ZNF273: variants seen among roughly 807,000 people sequenced by gnomAD.
ZNF273 encodes the protein zinc finger protein 273.
ZNF273 carries 11 observed loss-of-function variants against 14.9 expected under a neutral mutation model. The observed-to-expected ratio is 0.74, with a 90% CI of 0.46 to 1.22. The LOEUF (loss-of-function observed/expected upper bound fraction) is 1.22. ZNF273 is among the 50% of genes most tolerant of loss of function. The pLI is 0.00. For missense variants in ZNF273, 577 were observed against 660.6 expected (o/e 0.87, Z 1.39); for synonymous variants, 199 against 223.9 (o/e 0.89, Z 0.99).
downstream of ZNF273, among the ~76,000 whole-genome samples, chr7:64,884,354 G>A (rs1268395922): frequency 2.0e-5 from 3 of 152,088 alleles, no homozygotes; most frequent in African/African-American, 7.3e-5. Flanking sequence ...TCCCATTTGA[G>A]CCTTTATTTC....
At chr7:64,917,230 A>G in intron 1 of ZNF273, 1 of 618,442 alleles carries the variant, frequency 1.6e-6, no homozygotes, top group South Asian at 2.0e-5. Flanking sequence ...TTTTAAAGCT[A>G]GCTTGTAACA....
Position 64,928,750 on chromosome 7 carries a change from T to A in ZNF273, c.1422T>A (p.Thr474=). The change falls in exon 4 of 4, where the codon ACT becomes ACA. Residue 474 remains threonine, a synonymous_variant. Transcript: ENST00000476120. ...GSAFRAFSTL[T]EHKRVHTGEK... ...CCTTTAGGGCATTCTCAACCCTTAC[T>A]GAACATAAGAGAGTTCATACTGGAG... is the stretch of plus-strand genomic sequence containing the variant. The A allele has an allele frequency of 1.2e-6, 2 of 1,613,418 alleles. No homozygotes were observed. The highest frequency in any genetic ancestry group is 8.5e-7 in the Non-Finnish European group (1 of 1,179,786).
intron 3 of ZNF273, among the ~76,000 whole-genome samples, chr7:64,920,905 A>AT (rs1014429404): frequency 6.6e-6 from 1 of 152,168 alleles, no homozygotes; most frequent in Non-Finnish European, 1.5e-5. Flanking sequence ...TCATAGAGGC[A>AT]TTTTTGTCAG....
chr7:64,886,626 A>G (rs1791596880), intron 1 of ZNF273, among the ~76,000 whole-genome samples: 2 of 152,320 alleles, frequency 1.3e-5, no homozygotes, highest in East Asian at 3.9e-4. Context: ...ACCCTCACAC[A>G]TCACCTGTCA....
At chr7:64,921,634 TTTTGTG>T (rs1322688543) in intron 3 of ZNF273, among the ~76,000 whole-genome samples, 1 of 33,044 alleles carries the variant, frequency 3.0e-5, no homozygotes, top group Non-Finnish European at 6.1e-5. Context: ...TTTTTTTTTT[TTTTGTG>T]TGTGAGACAG....
rs545566534 is a variant in ZNF273, at chr7:64,914,360, A to AC, written c.103-3221_103-3220insC. ...ACTGTTTCTGCTATTTAAAAAAAAA[A>AC]AACACTATTATTATTACTTATTATT... On this transcript the variant is annotated intron_variant, in intron 1 of 3. Transcript: ENST00000476120. Among the ~76,000 whole-genome samples the AC allele has an allele frequency of 7.9e-3, 1,197 of 150,980 alleles. 11 individuals are homozygous for AC. The highest frequency in any genetic ancestry group is 0.019 in the South Asian group (92 of 4,758).
chr7:64,906,695 T>C lies in ZNF273; in HGVS notation c.102+3276T>C, dbSNP rs1363038976. Among the ~76,000 whole-genome samples, 3 of 151,788 alleles carry C rather than the reference T, an allele frequency of 2.0e-5. No homozygotes were observed. In the East Asian group the frequency reaches 5.8e-4, roughly 29 times the overall value. ...AAGAAGCCTTTATACTGAGAGAAGC[T>C]ACAGAGCCCAGGAAAGCTGGGGACC... On this transcript the variant is annotated intron_variant, in intron 1 of 3. Coordinates refer to ENST00000476120, the MANE Select transcript of ZNF273 (RefSeq NM_021148.3).
At chr7:64,914,672 A>G (rs1356034674) in intron 1 of ZNF273, among the ~76,000 whole-genome samples, 1 of 152,154 alleles carries the variant, frequency 6.6e-6, no homozygotes, top group South Asian at 2.1e-4. Flanking sequence ...ATAGATAAAG[A>G]GAAACTTTAT....
In ZNF273 at chr7:64,929,965, C is replaced by T. The variant is rs1422730015; in HGVS notation, c.*927C>T. 1 of 152,552 alleles carries T rather than the reference C, an allele frequency of 6.6e-6. No homozygotes were observed. The highest frequency in any genetic ancestry group is 2.4e-5 in the African/African-American group (1 of 41,440). The allele number at this position is 152,552 out of a possible 1,614,324, so 9.4% of individuals were successfully genotyped here. On this transcript the variant is annotated 3_prime_UTR_variant, in exon 4 of 4. Coordinates refer to ENST00000476120, the MANE Select transcript of ZNF273 (RefSeq NM_021148.3). The stretch of plus-strand genomic sequence containing the variant: ...CACCGCAACCTCTGCCTCCCAGATT[C>T]AAGCAATTCTCCTGCCTCAGCCTCC...
upstream of ZNF273, among the ~76,000 whole-genome samples, chr7:64,900,118 CTT>C (rs373187103): frequency 4.9e-5 from 7 of 143,754 alleles, no homozygotes; most frequent in Non-Finnish European, 3.1e-5. Context: ...TTTTCTCTCT[CTT>C]TTTTTTTTTT....
At chr7:64,909,552 A>G (rs1793347893) in intron 1 of ZNF273, among the ~76,000 whole-genome samples, 1 of 152,164 alleles carries the variant, frequency 6.6e-6, no homozygotes, top group Non-Finnish European at 1.5e-5. Flanking sequence ...TATCCGGTCT[A>G]CTATTGATAG....
downstream of ZNF273, chr7:64,933,573 GC>G (rs1475460703): frequency 1.3e-5 from 2 of 152,100 alleles, no homozygotes; most frequent in African/African-American, 4.8e-5. Flanking sequence ...AAGTACATTG[GC>G]TTTTCCCACA....
chr7:64,900,434 C>T (rs1792626988), upstream of ZNF273, among the ~76,000 whole-genome samples: 2 of 152,102 alleles, frequency 1.3e-5, no homozygotes, highest in Admixed American at 6.6e-5. Context: ...AGGCAGATAG[C>T]GAGGGTAAAA....
chr7:64,905,807 CT>C (rs1257765832), intron 1 of ZNF273, among the ~76,000 whole-genome samples: 1 of 152,152 alleles, frequency 6.6e-6, no homozygotes, highest in Non-Finnish European at 1.5e-5. Flanking sequence ...CTAATCAGCA[CT>C]GCCACTCTCT....
chr7:64,929,976 C>G lies in ZNF273; in HGVS notation c.*938C>G, dbSNP rs930194801. ...CTGCCTCCCAGATTCAAGCAATTCT[C>G]CTGCCTCAGCCTCCCTAGTAGCTGG... On this transcript the variant is annotated 3_prime_UTR_variant, in exon 4 of 4. Transcript: ENST00000476120. The G allele has an allele frequency of 6.6e-6, 1 of 152,512 alleles. No individual in the cohort carries two copies. The highest frequency in any genetic ancestry group is 2.4e-5 in the African/African-American group (1 of 41,432). 9.4% of individuals were successfully genotyped at this position (152,512 alleles called of 1,614,324 possible).
At chr7:64,895,810 CAG>C (rs749011572) in intron 3 of ZNF273, among the ~76,000 whole-genome samples, 28 of 152,244 alleles carry the variant, frequency 1.8e-4, no homozygotes, top group South Asian at 4.1e-4. Flanking sequence ...ACTGAGAAAA[CAG>C]AGTCTGCTAT....
intron 1 of ZNF273, among the ~76,000 whole-genome samples, chr7:64,916,476 C>T (rs570475062): frequency 3.1e-4 from 42 of 134,572 alleles, no homozygotes; most frequent in Non-Finnish European, 4.5e-4. Flanking sequence ...ATTCGGGAGG[C>T]GAAGATTGCA....
upstream of ZNF273, among the ~76,000 whole-genome samples, chr7:64,901,886 T>C (rs1000843060): frequency 1.3e-5 from 2 of 151,834 alleles, no homozygotes; most frequent in Non-Finnish European, 2.9e-5. Context: ...GAGGTGGAGG[T>C]TGCGGTGAGC....
intron 1 of ZNF273, among the ~76,000 whole-genome samples, chr7:64,907,106 A>C (rs1200854346): frequency 6.6e-6 from 1 of 152,178 alleles, no homozygotes; most frequent in Non-Finnish European, 1.5e-5. Context: ...AACTTAAGTA[A>C]AGTTTGATTA....
Sources: gnomAD v4.1 joint callset for allele counts (sites outside exome capture counted in the v4.1 genomes callset) on GRCh38, gnomAD v4.1.1 for gene constraint, MANE v1.5 for transcripts, NCBI Gene and HGNC (gene_info 2026-07-23, HGNC 2026-07-21) for gene names.